MSH4: variants seen among roughly 807,000 people sequenced by gnomAD.
MSH4 encodes the protein mutS homolog 4, also known as mutS protein homolog 4.
A neutral mutation model predicts 113.7 loss-of-function variants in MSH4; 106 were observed. The ratio of observed to expected loss-of-function variants is 0.93; its 90% CI spans 0.80 to 1.10. The LOEUF is 1.10. Ranked by LOEUF, MSH4 falls within the 50% of genes least tolerant of loss-of-function variation. The pLI, the probability that MSH4 is intolerant of heterozygous loss-of-function variation, is 0.00. For synonymous variants in MSH4, 368 were observed against 380.2 expected, an observed-to-expected ratio of 0.97 and a Z score of 0.37; for missense variants, 1,061 against 1,093.7, an observed-to-expected ratio of 0.97 and a Z score of 0.42.
In MSH4 at chr1:75,858,359, T is replaced by C. The variant is rs192195217; in HGVS notation, c.1231-9155T>C. On this transcript the variant is annotated intron_variant, in intron 8 of 19. Transcript: ENST00000263187. ...GTCTTGTGCCAGTTTTCAAAGGGAA[T>C]GCTTCCAGTTTTTGCCCATTCAGTA... Among the ~76,000 whole-genome samples, 161 of 152,344 alleles carry C rather than the reference T, an allele frequency of 1.1e-3. No individual in the cohort carries two copies. In the Middle Eastern group the frequency reaches 0.017, roughly 16 times the overall value.
intron 8 of MSH4, among the ~76,000 whole-genome samples, chr1:75,854,575 C>T (rs991372634): frequency 1.3e-5 from 2 of 152,086 alleles, no homozygotes; most frequent in Admixed American, 6.6e-5. Context: ...TGCTATACCA[C>T]CCGTCCGTCC....
chr1:75,829,016 A>G (rs1276217402), intron 7 of MSH4, among the ~76,000 whole-genome samples: 1 of 152,208 alleles, frequency 6.6e-6, no homozygotes, highest in Non-Finnish European at 1.5e-5. Context: ...ACAAGGGTTC[A>G]GAGAATTCCC....
At chr1:75,804,134 C>G (rs1650004029) in intron 2 of MSH4, among the ~76,000 whole-genome samples, 1 of 151,940 alleles carries the variant, frequency 6.6e-6, no homozygotes, top group African/African-American at 2.4e-5. Context: ...TTATTTTAAC[C>G]ATTCTGACAA....
chr1:75,809,918 T>C (rs1368308116), intron 3 of MSH4, among the ~76,000 whole-genome samples: 1 of 152,188 alleles, frequency 6.6e-6, no homozygotes, highest in Non-Finnish European at 1.5e-5. Flanking sequence ...CCCAAAGTGC[T>C]GAGATTACAG....
intron 7 of MSH4, among the ~76,000 whole-genome samples, chr1:75,826,433 C>T (rs1009195511): frequency 7.2e-5 from 11 of 151,930 alleles, no homozygotes; most frequent in Non-Finnish European, 1.6e-4. Context: ...ATGGAGTTTT[C>T]GAAGGGTTTT....
At chr1:75,851,134 C>T (rs947211927) in intron 8 of MSH4, among the ~76,000 whole-genome samples, 8 of 151,918 alleles carry the variant, frequency 5.3e-5, no homozygotes, top group Admixed American at 4.6e-4. Flanking sequence ...TGCATACAAT[C>T]AGAGAATACC....
Position 75,810,699 on chromosome 1 carries a change from G to T in MSH4, c.591G>T (p.Val197=). ...ATTGTTTATTCAAATGATTTCAGGT[G>T]ATCACTAAACTTAAAATTTTATCAC... The part of the protein sequence containing the change: ...QFADNTTYAK[V]ITKLKILSPL... Residue 197 remains valine, a splice_region_variant and synonymous_variant, in exon 4 of 20, where the codon GTG becomes GTT. Transcript: ENST00000263187. The T allele has an allele frequency of 1.4e-6, 2 of 1,431,728 alleles. No individual in the cohort carries two copies. Among genetic ancestry groups the T allele is most frequent in the South Asian group, 1.3e-5 (1 of 74,318 alleles). The allele number at this position is 1,431,728 out of a possible 1,614,324, so 88.7% of individuals were successfully genotyped here. A position where few individuals can be genotyped will look rare whatever the true frequency, so the allele number is the denominator to read the frequency against.
intron 9 of MSH4, among the ~76,000 whole-genome samples, chr1:75,874,837 A>C (rs1290373458): frequency 6.6e-6 from 1 of 152,158 alleles, no homozygotes; most frequent in African/African-American, 2.4e-5. Context: ...AATATGCAAA[A>C]TGCATACTTT....
At chr1:75,834,592 A>C (rs12385715) in intron 7 of MSH4, among the ~76,000 whole-genome samples, 31,475 of 152,146 alleles carry the variant, frequency 0.21, 3,804 homozygotes, top group African/African-American at 0.3. Flanking sequence ...ATGGACTACT[A>C]TGCAGCCATA....
At chr1:75,886,749 C>T (rs1385002027) in intron 15 of MSH4, among the ~76,000 whole-genome samples, 2 of 132,868 alleles carry the variant, frequency 1.5e-5, no homozygotes, top group African/African-American at 2.8e-5. Context: ...ATATTATATA[C>T]ATTATATATA....
intron 5 of MSH4, among the ~76,000 whole-genome samples, chr1:75,815,622 C>G (rs1320675075): frequency 6.6e-6 from 1 of 152,122 alleles, no homozygotes; most frequent in Non-Finnish European, 1.5e-5. Context: ...GAAATAGATA[C>G]TTTCTTTGAG....
At position 75,797,055 on chromosome 1, in the gene MSH4, C is replaced by T. The variant is rs967973978; in HGVS notation, c.70C>T (p.Arg24Cys). Residue 24 changes from arginine (R) to cysteine (C), a missense_variant, in exon 1 of 20, where the codon CGC (arginine) becomes TGC (cysteine). By Grantham distance (180) the Arg-to-Cys change is radical (BLOSUM62 -3). Coordinates refer to ENST00000263187, the MANE Select transcript of MSH4 (RefSeq NM_002440.4). ...GGTTTCCCCGTCGTCGGGAGAAACC[C>T]GCTCACCTCAGGGTCCCCGCTACAA... ...PAVSPSSGET[R>C]SPQGPRYNFG... 3 of 1,614,048 alleles carry T rather than the reference C, an allele frequency of 1.9e-6. No homozygotes were observed. The highest frequency in any genetic ancestry group is 1.1e-5 in the South Asian group (1 of 91,084).
At chr1:75,808,118 C>A (rs1650107767) in intron 3 of MSH4, among the ~76,000 whole-genome samples, 1 of 152,136 alleles carries the variant, frequency 6.6e-6, no homozygotes, top group African/African-American at 2.4e-5. Context: ...TTCTTGAAAT[C>A]TTAGCTCTTC....
chr1:75,879,092 C>G lies in MSH4; in HGVS notation c.1641C>G (p.Ala547=), dbSNP rs1651876589. The G allele has an allele frequency of 6.2e-7, 1 of 1,611,548 alleles. No homozygotes were observed. The highest frequency in any genetic ancestry group is 8.5e-7 in the Non-Finnish European group (1 of 1,178,004). Residue 547 remains alanine, a synonymous_variant, in exon 12 of 20, where the codon GCC becomes GCG. Coordinates refer to ENST00000263187, the MANE Select transcript of MSH4 (RefSeq NM_002440.4). ...TCCAGATGACTACAGATTGTATAGC[C>G]CTACCTAGTGATCAACTTCCTTCAG... is the stretch of plus-strand genomic sequence containing the variant. ...FFIQMTTDCI[A]LPSDQLPSEF... is the part of the protein sequence containing the mutation.
At chr1:75,839,603 AAAAT>A (rs1650907795) in intron 7 of MSH4, among the ~76,000 whole-genome samples, 1 of 152,148 alleles carries the variant, frequency 6.6e-6, no homozygotes, top group Non-Finnish European at 1.5e-5. Flanking sequence ...ACAGTTTATT[AAAAT>A]ATAAGAATCT....
chr1:75,824,549 G>A (rs1045647338), intron 7 of MSH4, among the ~76,000 whole-genome samples: 5 of 152,126 alleles, frequency 3.3e-5, no homozygotes, highest in Non-Finnish European at 7.4e-5. Flanking sequence ...CTTTGCCTAT[G>A]CCTATATCCT....
At chr1:75,835,976 C>A (rs1650819427) in intron 7 of MSH4, among the ~76,000 whole-genome samples, 1 of 152,052 alleles carries the variant, frequency 6.6e-6, no homozygotes, top group South Asian at 2.1e-4. Flanking sequence ...GCCTAGTGGC[C>A]CACACCTGGA....
chr1:75,808,647 T>C lies in MSH4; in HGVS notation c.588+1506T>C, dbSNP rs5745345. On this transcript the variant is annotated intron_variant, in intron 3 of 19. Coordinates refer to ENST00000263187, the MANE Select transcript of MSH4 (RefSeq NM_002440.4). Reference sequence around the variant, plus strand: ...TTCAGGATTATGGCATTTGAGATTGTGTCTTTCAGGATTATGGCCCAAACC... The same window carrying C: ...TTCAGGATTATGGCATTTGAGATTGCGTCTTTCAGGATTATGGCCCAAACC... 7.5e-3 allele frequency among the ~76,000 whole-genome samples: 1,146 copies of C among 152,314 alleles called. 10 individuals are homozygous for C. Among genetic ancestry groups the C allele is most frequent in the African/African-American group, 0.026 (1,098 of 41,572 alleles).
chr1:75,830,932 C>T (rs1428669351), intron 7 of MSH4, among the ~76,000 whole-genome samples: 2 of 152,150 alleles, frequency 1.3e-5, no homozygotes, highest in African/African-American at 2.4e-5. Flanking sequence ...CAAATTCACA[C>T]GTAACCATAT....
Sources: allele counts gnomAD v4.1 joint callset (sites outside exome capture counted in the v4.1 genomes callset), GRCh38; gene constraint gnomAD v4.1.1; transcripts MANE v1.5; gene names NCBI Gene and HGNC (gene_info 2026-07-23, HGNC 2026-07-21).